PBX1: variants seen among roughly 807,000 people sequenced by gnomAD.
PBX1 encodes the protein pre-B-cell leukemia transcription factor 1.
A neutral mutation model predicts 53.4 loss-of-function variants in PBX1; 6 were observed. The observed-to-expected ratio is 0.11, with a 90% CI of 0.06 to 0.22. The LOEUF is 0.22. Ranked by LOEUF, PBX1 falls within the 10% of genes least tolerant of loss-of-function variation. PBX1 has a pLI of 1.00. For synonymous variants in PBX1, 204 were observed against 212.3 expected, an observed-to-expected ratio of 0.96 and a Z score of 0.34; for missense variants, 251 against 551.4, an observed-to-expected ratio of 0.46 and a Z score of 5.46.
At chr1:164,802,276 A>G (rs1248497391) in intron 4 of PBX1, among the ~76,000 whole-genome samples, 1 of 152,228 alleles carries the variant, frequency 6.6e-6, no homozygotes, top group African/African-American at 2.4e-5. Flanking sequence ...GGGCCTGGGC[A>G]TGGCTTAGCT....
chr1:164,638,384 C>A (rs1412158245), intron 2 of PBX1, among the ~76,000 whole-genome samples: 1 of 152,224 alleles, frequency 6.6e-6, no homozygotes, highest in Non-Finnish European at 1.5e-5. Flanking sequence ...CTGCCTAGGG[C>A]TGAGCAGGGA....
chr1:164,656,659 T>C (rs1660184047), intron 2 of PBX1, among the ~76,000 whole-genome samples: 1 of 151,682 alleles, frequency 6.6e-6, no homozygotes, highest in African/African-American at 2.4e-5. Context: ...GTGATGGCTA[T>C]AGAGGAAAGT....
chr1:164,708,062 G>T (rs965271300), intron 2 of PBX1, among the ~76,000 whole-genome samples: 2 of 152,190 alleles, frequency 1.3e-5, no homozygotes, highest in South Asian at 4.1e-4. Flanking sequence ...TCCCCATCTG[G>T]TAGGCCATGC....
intron 2 of PBX1, among the ~76,000 whole-genome samples, chr1:164,705,173 C>T (rs927481420): frequency 2.6e-4 from 40 of 152,262 alleles, no homozygotes; most frequent in East Asian, 1.4e-3. Flanking sequence ...CATCCCCACT[C>T]CCCCATTGTG....
intron 2 of PBX1, among the ~76,000 whole-genome samples, chr1:164,752,470 A>C (rs1666287417): frequency 6.6e-6 from 1 of 152,192 alleles, no homozygotes; most frequent in African/African-American, 2.4e-5. Flanking sequence ...TGGAAGGAGG[A>C]GAGGAGGGGA....
At chr1:164,661,382 A>G (rs1240516118) in intron 2 of PBX1, among the ~76,000 whole-genome samples, 1 of 150,442 alleles carries the variant, frequency 6.6e-6, no homozygotes, top group African/African-American at 2.5e-5. Flanking sequence ...GAAAGCCCTG[A>G]TATTGTGGTC....
At chr1:164,877,495 T>C (rs896561606) in intron 2 of PBX1, among the ~76,000 whole-genome samples, 9 of 151,968 alleles carry the variant, frequency 5.9e-5, no homozygotes, top group Non-Finnish European at 1.3e-4. Flanking sequence ...AAACCGCCTG[T>C]CTCCTAAAAA....
chr1:164,665,499 C>CTGG (rs780649249), intron 2 of PBX1, among the ~76,000 whole-genome samples: 2 of 152,170 alleles, frequency 1.3e-5, no homozygotes, highest in Non-Finnish European at 2.9e-5. Flanking sequence ...GTTGGCCAGG[C>CTGG]TGGTCTCAAA....
At chr1:164,635,489 T>C (rs1658704784) in intron 2 of PBX1, among the ~76,000 whole-genome samples, 1 of 152,256 alleles carries the variant, frequency 6.6e-6, no homozygotes, top group Non-Finnish European at 1.5e-5. Flanking sequence ...TTAGCCCAAC[T>C]GTCACTCGAC....
chr1:164,565,717 G>A (rs528380444), intron 2 of PBX1, among the ~76,000 whole-genome samples: 1 of 151,670 alleles, frequency 6.6e-6, no homozygotes, highest in Admixed American at 6.6e-5. Context: ...TTGATGGGTC[G>A]GAGGAACAAA....
Position 164,745,162 on chromosome 1 carries a change from A to T in PBX1, c.266-47332A>T, listed in dbSNP as rs867924255. ...ATGCCACATTGCCTCTCCAAGGAAAAATAGCAAAGCAGGAAGTTTAGACTA... is the reference window on the plus strand; with the variant it reads ...ATGCCACATTGCCTCTCCAAGGAAATATAGCAAAGCAGGAAGTTTAGACTA... On this transcript the variant is annotated intron_variant, in intron 2 of 8. Coordinates refer to ENST00000420696, the MANE Select transcript of PBX1 (RefSeq NM_002585.4). 1.1e-4 allele frequency among the ~76,000 whole-genome samples: 16 copies of T among 152,306 alleles called. 1 individual carries two copies. The South Asian group carries it at 1.7e-3, about 16-fold the overall frequency.
intron 4 of PBX1, among the ~76,000 whole-genome samples, chr1:164,801,637 G>A (rs190837602): frequency 1.3e-5 from 2 of 152,210 alleles, no homozygotes; most frequent in East Asian, 1.9e-4. Context: ...AGTTTCTTTC[G>A]CTTCCACCAG....
intron 2 of PBX1, among the ~76,000 whole-genome samples, chr1:164,619,697 T>TC (rs1049492375): frequency 3.9e-5 from 6 of 151,914 alleles, no homozygotes; most frequent in Admixed American, 1.3e-4. Flanking sequence ...ATTTTTTTTT[T>TC]CCCCATGGAA....
intron 2 of PBX1, chr1:164,576,634 T>G (rs1054995862): frequency 6.6e-6 from 1 of 152,366 alleles, no homozygotes; most frequent in Non-Finnish European, 1.5e-5. Context: ...CGCAGCGGTC[T>G]GCTCCCGGCG....
chr1:164,740,937 A>G (rs946637057), intron 2 of PBX1, among the ~76,000 whole-genome samples: 2 of 152,232 alleles, frequency 1.3e-5, no homozygotes, highest in African/African-American at 2.4e-5. Context: ...CGAACTTTAA[A>G]TACTGTTAAA....
At chr1:164,874,676 T>C (rs1230474556) in intron 2 of PBX1, among the ~76,000 whole-genome samples, 1 of 152,106 alleles carries the variant, frequency 6.6e-6, no homozygotes, top group Non-Finnish European at 1.5e-5. Flanking sequence ...GTATTTTTGG[T>C]AGAGACGAGT....
chr1:164,728,245 A>G (rs1664800397), intron 2 of PBX1, among the ~76,000 whole-genome samples: 2 of 151,808 alleles, frequency 1.3e-5, no homozygotes, highest in Non-Finnish European at 2.9e-5. Context: ...TGAGCCTGGG[A>G]GACCGAGGCT....
At chr1:164,859,464 T>C (rs1478673506) in intron 2 of PBX1, among the ~76,000 whole-genome samples, 2 of 152,218 alleles carry the variant, frequency 1.3e-5, no homozygotes, top group Non-Finnish European at 2.9e-5. Flanking sequence ...TGACCTTTAA[T>C]GACATAAAAC....
downstream of PBX1, among the ~76,000 whole-genome samples, chr1:164,854,708 T>C (rs1251611739): frequency 1.3e-5 from 2 of 152,122 alleles, no homozygotes; most frequent in Non-Finnish European, 2.9e-5. Flanking sequence ...TGTAAAGGGT[T>C]ATAGCAGTGG....
Sources: gnomAD v4.1 joint callset for allele counts (sites outside exome capture counted in the v4.1 genomes callset) on GRCh38, gnomAD v4.1.1 for gene constraint, MANE v1.5 for transcripts, NCBI Gene and HGNC (gene_info 2026-07-23, HGNC 2026-07-21) for gene names.